ITGBL1: variants seen among roughly 807,000 people sequenced by gnomAD.
ITGBL1 encodes integrin beta-like protein 1.
A neutral mutation model predicts 68.5 loss-of-function variants in ITGBL1; 51 were observed. The observed-to-expected ratio is 0.74, with a 90% CI of 0.59 to 0.94. The LOEUF (loss-of-function observed/expected upper bound fraction) is 0.94. Ranked by LOEUF, ITGBL1 falls within the 40% of genes least tolerant of loss-of-function variation. The pLI, the probability that ITGBL1 is intolerant of heterozygous loss-of-function variation, is 0.00. For synonymous variants in ITGBL1, 209 were observed against 227.3 expected (o/e 0.92, Z 0.72); for missense variants, 649 against 647.4 (o/e 1.00, Z -0.03).
intron 1 of ITGBL1, 66 bp from the exon 2 acceptor site, chr13:101,453,817 T>C: frequency 9.2e-7 from 1 of 1,084,760 alleles, no homozygotes; most frequent in Non-Finnish European, 1.2e-6. Context: ...GGAGGAAACG[T>C]GGGTTCGGAG....
chr13:101,632,859 A>G (rs2032031080), intron 7 of ITGBL1, among the ~76,000 whole-genome samples: 1 of 152,228 alleles, frequency 6.6e-6, no homozygotes, highest in African/African-American at 2.4e-5. Flanking sequence ...GACTAAGTCT[A>G]GCCTTCAGTT....
intron 6 of ITGBL1, among the ~76,000 whole-genome samples, chr13:101,584,271 A>C (rs142790061): frequency 0.011 from 1,677 of 152,338 alleles, 60 homozygotes; most frequent in Admixed American, 0.07. Flanking sequence ...ATGCAAATAA[A>C]TAAAATATGT....
intron 2 of ITGBL1, among the ~76,000 whole-genome samples, chr13:101,505,723 C>T (rs973821183): frequency 8.6e-5 from 13 of 151,920 alleles, no homozygotes; most frequent in African/African-American, 1.2e-4. Context: ...GCTTTCTCTC[C>T]GTCTGAGAAA....
chr13:101,509,717 C>T (rs376115914), intron 2 of ITGBL1, among the ~76,000 whole-genome samples: 12 of 152,222 alleles, frequency 7.9e-5, no homozygotes, highest in Admixed American at 4.6e-4. Context: ...AGTCATCCTC[C>T]GTGTCTGATT....
In ITGBL1 at chr13:101,604,887, T is replaced by TATACACACACACACAC; in HGVS notation, c.1015+6589_1015+6590insTACACACACACACACA. 3.2e-3 allele frequency among the ~76,000 whole-genome samples: 71 copies of TATACACACACACACAC among 22,148 alleles called. 1 individual carries two copies. The highest frequency in any genetic ancestry group is 5.1e-3 in the East Asian group (2 of 396). 14.5% of individuals were successfully genotyped at this position (22,148 alleles called of 152,430 possible). A position where few individuals can be genotyped will look rare whatever the true frequency, so the allele number is the denominator to read the frequency against. On this transcript the variant is annotated intron_variant, in intron 7 of 10. Transcript: ENST00000376180. ...ATATATATATATATATATATATATA[T>TATACACACACACACAC]ACACACACACACACATATATATGTG...
chr13:101,615,133 T>A (rs1047770201), intron 7 of ITGBL1, among the ~76,000 whole-genome samples: 1 of 152,080 alleles, frequency 6.6e-6, no homozygotes, highest in Non-Finnish European at 1.5e-5. Context: ...TGGCGTTCCT[T>A]GGCTTGTGAC....
chr13:101,490,391 T>C (rs1028105465), intron 2 of ITGBL1, among the ~76,000 whole-genome samples: 3 of 152,208 alleles, frequency 2.0e-5, no homozygotes, highest in East Asian at 1.9e-4. Context: ...TTTGTTGTAG[T>C]AGTGCTAGCT....
chr13:101,580,098 TC>T (rs1255537171), intron 5 of ITGBL1, among the ~76,000 whole-genome samples: 8 of 152,274 alleles, frequency 5.3e-5, no homozygotes, highest in African/African-American at 1.9e-4. Flanking sequence ...TACTTAATTT[TC>T]CCTTTGCTGT....
chr13:101,606,101 T>TCG (rs2030833901), intron 7 of ITGBL1, among the ~76,000 whole-genome samples: 1 of 117,528 alleles, frequency 8.5e-6, no homozygotes, highest in African/African-American at 3.0e-5. Flanking sequence ...ATATATATGC[T>TCG]CTCTCTCTCT....
intron 7 of ITGBL1, among the ~76,000 whole-genome samples, chr13:101,647,428 T>C (rs1335652350): frequency 6.6e-6 from 1 of 152,308 alleles, no homozygotes; most frequent in East Asian, 1.9e-4. Context: ...TATGATGAAA[T>C]AGTTTTAGCA....
At chr13:101,592,991 G>A (rs2050681095) in intron 6 of ITGBL1, among the ~76,000 whole-genome samples, 1 of 151,998 alleles carries the variant, frequency 6.6e-6, no homozygotes, top group African/African-American at 2.4e-5. Context: ...CCTACATAAT[G>A]GGAGAAAATA....
chr13:101,676,812 A>G (rs1389930561), intron 7 of ITGBL1, among the ~76,000 whole-genome samples: 1 of 152,314 alleles, frequency 6.6e-6, no homozygotes, highest in Admixed American at 6.5e-5. Context: ...TTCGTATAAG[A>G]TATTATTTAA....
intron 2 of ITGBL1, among the ~76,000 whole-genome samples, chr13:101,458,857 C>T (rs2048280749): frequency 6.6e-6 from 1 of 152,156 alleles, no homozygotes; most frequent in African/African-American, 2.4e-5. Flanking sequence ...GGAGGCCCGA[C>T]CGTATGGTGC....
chr13:101,543,393 T>C (rs942437458), intron 2 of ITGBL1, among the ~76,000 whole-genome samples: 31 of 152,220 alleles, frequency 2.0e-4, no homozygotes, highest in Admixed American at 1.3e-4. Context: ...GCCCCCACCC[T>C]CTTCTGGCTT....
At chr13:101,521,454 G>T (rs1456209952) in intron 2 of ITGBL1, among the ~76,000 whole-genome samples, 3 of 152,304 alleles carry the variant, frequency 2.0e-5, no homozygotes, top group Admixed American at 1.3e-4. Context: ...AAATTGGGTT[G>T]CCAGGGAAGG....
At chr13:101,645,065 T>C (rs2032514904) in intron 7 of ITGBL1, among the ~76,000 whole-genome samples, 1 of 152,156 alleles carries the variant, frequency 6.6e-6, no homozygotes, top group African/African-American at 2.4e-5. Context: ...AAATGGCAGT[T>C]TAAACAAATT....
chr13:101,683,772 G>A (rs1189819612), intron 7 of ITGBL1, among the ~76,000 whole-genome samples: 1 of 151,944 alleles, frequency 6.6e-6, no homozygotes, highest in Non-Finnish European at 1.5e-5. Flanking sequence ...TGATTGGGTT[G>A]GGGCAGAATC....
At chr13:101,591,189 C>CAAA (rs1566745606) in intron 6 of ITGBL1, among the ~76,000 whole-genome samples, 36 of 152,288 alleles carry the variant, frequency 2.4e-4, no homozygotes, top group Admixed American at 2.4e-3. Flanking sequence ...GGGCGTGAGT[C>CAAA]ACCACGTCCG....
At chr13:101,627,226 T>G (rs1218220409) in intron 7 of ITGBL1, among the ~76,000 whole-genome samples, 1 of 152,202 alleles carries the variant, frequency 6.6e-6, no homozygotes, top group Non-Finnish European at 1.5e-5. Context: ...CAAGTTTTTT[T>G]GGAATTATGA....
Sources: allele counts gnomAD v4.1 joint callset (sites outside exome capture counted in the v4.1 genomes callset), GRCh38; gene constraint gnomAD v4.1.1; transcripts MANE v1.5; gene names NCBI Gene and HGNC (gene_info 2026-07-23, HGNC 2026-07-21).